PTPRD: variants seen among roughly 807,000 people sequenced by gnomAD.
The protein encoded by PTPRD is receptor-type tyrosine-protein phosphatase delta.
Under a neutral mutation model 214.5 loss-of-function variants are expected in PTPRD, and 34 were observed. The observed-to-expected ratio is 0.16, with a 90% CI of 0.12 to 0.21. The LOEUF is 0.21. Ranked by LOEUF, PTPRD falls within the 10% of genes least tolerant of loss-of-function variation. The probability of loss-of-function intolerance (pLI) is 1.00; values close to 1 mark genes in which losing one functional copy is unlikely to be tolerated. For missense variants in PTPRD, 2,545 were observed against 2,398.7 expected, an observed-to-expected ratio of 1.06 and a Z score of -1.27; for synonymous variants, 1,128 against 845.7, an observed-to-expected ratio of 1.33 and a Z score of -5.79.
intron 5 of PTPRD, among the ~76,000 whole-genome samples, chr9:9,793,654 T>C (rs2098982442): frequency 6.6e-6 from 1 of 152,090 alleles, no homozygotes; most frequent in South Asian, 2.1e-4. Flanking sequence ...GGAAAAATTT[T>C]TTATTCAGTA....
chr9:9,382,806 T>C (rs948521006), intron 9 of PTPRD, among the ~76,000 whole-genome samples: 4 of 152,080 alleles, frequency 2.6e-5, no homozygotes, highest in African/African-American at 9.7e-5. Context: ...CTTCTGGATA[T>C]ACATTCAAAG....
intron 3 of PTPRD, among the ~76,000 whole-genome samples, chr9:10,256,310 G>A (rs1053295453): frequency 9.2e-5 from 14 of 151,552 alleles, no homozygotes; most frequent in South Asian, 6.3e-4. Context: ...GAAGGTCTTC[G>A]GGGGTAATAA....
At chr9:10,302,127 A>G (rs150682341) in intron 3 of PTPRD, among the ~76,000 whole-genome samples, 160 of 152,272 alleles carry the variant, frequency 1.1e-3, no homozygotes, top group African/African-American at 3.7e-3. Context: ...CAACATTCTT[A>G]AAGAATTTTC....
intron 2 of PTPRD, among the ~76,000 whole-genome samples, chr9:10,427,326 T>C (rs2098631477): frequency 6.6e-6 from 1 of 152,092 alleles, no homozygotes; most frequent in African/African-American, 2.4e-5. Context: ...CCTCACTAAA[T>C]ATGATTATAA....
chr9:8,884,699 A>G (rs2098472509), intron 11 of PTPRD, among the ~76,000 whole-genome samples: 1 of 152,214 alleles, frequency 6.6e-6, no homozygotes, highest in Non-Finnish European at 1.5e-5. Context: ...GAAATCCACA[A>G]TAGAAAGGTG....
intron 7 of PTPRD, among the ~76,000 whole-genome samples, chr9:9,581,688 T>C (rs1245493676): frequency 6.6e-6 from 1 of 152,140 alleles, no homozygotes; most frequent in East Asian, 1.9e-4. Flanking sequence ...CAAAATCTTC[T>C]CAACGTCTTA....
chr9:8,525,304 A>C, intron 17 of PTPRD: 1 of 538,814 alleles, frequency 1.9e-6, no homozygotes, highest in Non-Finnish European at 3.4e-6. Context: ...TAACACTCTT[A>C]TTTCCTAGAC....
At chr9:8,419,621 T>C (rs1022685236) in intron 35 of PTPRD, among the ~76,000 whole-genome samples, 2 of 151,906 alleles carry the variant, frequency 1.3e-5, no homozygotes, top group African/African-American at 2.4e-5. Flanking sequence ...AAGAAAAATA[T>C]CTATATGATT....
intron 2 of PTPRD, among the ~76,000 whole-genome samples, chr9:10,516,247 A>T (rs2757860): frequency 0.76 from 115,189 of 150,912 alleles, 44,052 homozygotes; most frequent in East Asian, 0.86. Flanking sequence ...GTCTTTTTTT[A>T]AAAAAAATAA....
chr9:10,035,752 A>G (rs2097168996), intron 3 of PTPRD, among the ~76,000 whole-genome samples: 2 of 151,982 alleles, frequency 1.3e-5, no homozygotes, highest in Non-Finnish European at 1.5e-5. Context: ...CCCAAATATG[A>G]TAGCTTGAGT....
At chr9:9,424,578 G>C (rs2080107850) in intron 8 of PTPRD, among the ~76,000 whole-genome samples, 1 of 152,052 alleles carries the variant, frequency 6.6e-6, no homozygotes. Flanking sequence ...GAATCAGAAG[G>C]CTTCTGATAA....
intron 11 of PTPRD, among the ~76,000 whole-genome samples, chr9:8,807,686 TAA>T (rs2096715502): frequency 6.6e-6 from 1 of 152,054 alleles, no homozygotes; most frequent in African/African-American, 2.4e-5. Context: ...CTTTTAGATA[TAA>T]GTTTATGAAA....
chr9:9,009,442 A>AG (rs1264930547), intron 11 of PTPRD, among the ~76,000 whole-genome samples: 2 of 152,010 alleles, frequency 1.3e-5, no homozygotes, highest in African/African-American at 4.8e-5. Flanking sequence ...TTTAAGTTCC[A>AG]GGGTACATGT....
intron 3 of PTPRD, among the ~76,000 whole-genome samples, chr9:10,170,738 G>A (rs914983159): frequency 6.6e-6 from 1 of 152,130 alleles, no homozygotes; most frequent in African/African-American, 2.4e-5. Flanking sequence ...GTCACAACCT[G>A]TATTATTCCA....
chr9:10,271,143 G>T (rs1478440067), intron 3 of PTPRD, among the ~76,000 whole-genome samples: 2 of 152,052 alleles, frequency 1.3e-5, no homozygotes, highest in African/African-American at 2.4e-5. Flanking sequence ...CATTTTAATA[G>T]ATAATACTAA....
intron 10 of PTPRD, among the ~76,000 whole-genome samples, chr9:9,024,338 G>GTTTTTTTTTTTTTTTTTTT (rs746383829): frequency 3.3e-5 from 2 of 61,340 alleles, no homozygotes. Context: ...TCGATTCTTT[G>GTTTTTTTTTTTTTTTTTTT]TTTTTTTTTG....
chr9:10,520,189 T>G (rs940544128), intron 2 of PTPRD, among the ~76,000 whole-genome samples: 1 of 151,830 alleles, frequency 6.6e-6, no homozygotes, highest in Non-Finnish European at 1.5e-5. Context: ...AAAGGAAGAG[T>G]TATTGAAGCA....
At chr9:9,496,700 A>T (rs1293812685) in intron 8 of PTPRD, among the ~76,000 whole-genome samples, 3 of 152,164 alleles carry the variant, frequency 2.0e-5, no homozygotes, top group Admixed American at 1.3e-4. Flanking sequence ...GGTTATTCTT[A>T]AAAAAATTAA....
At chr9:10,250,286 T>C (rs957101679) in intron 3 of PTPRD, among the ~76,000 whole-genome samples, 1 of 152,148 alleles carries the variant, frequency 6.6e-6, no homozygotes, top group Admixed American at 6.5e-5. Context: ...ATATATGCCA[T>C]GTATGTTCTC....
Sources: allele counts gnomAD v4.1 joint callset (sites outside exome capture counted in the v4.1 genomes callset), GRCh38; gene constraint gnomAD v4.1.1; transcripts MANE v1.5; gene names NCBI Gene and HGNC (gene_info 2026-07-23, HGNC 2026-07-21).